The following SIL1 variants were observed in gnomAD, a reference collection of about 807,000 sequenced individuals.
SIL1 encodes SIL1 nucleotide exchange factor.
SIL1 carries 40 observed loss-of-function variants against 49.1 expected under a neutral mutation model. The observed-to-expected ratio is 0.81, with a 90% CI of 0.63 to 1.06. SIL1 has a LOEUF of 1.06. SIL1 is among the 50% of genes least tolerant of loss of function. The pLI is 0.00. For missense variants in SIL1, 500 were observed against 572.6 expected (o/e 0.87, Z 1.29); for synonymous variants, 253 against 250.8 (o/e 1.01, Z -0.08).
Position 138,948,740 on chromosome 5 carries a change from C to G in SIL1, c.1030-1267G>C, listed in dbSNP as rs992246261. On this transcript the variant is annotated intron_variant, in intron 9 of 9. Transcript: ENST00000394817. The surrounding 1 kb of genome is among the most constrained non-coding windows in gnomAD (Gnocchi z 4.8). ...TATGCTGCTGTGGTTTGAGTGTGTT[C>G]CCTAAAAGTTCAAGTGTTGGAAGCT... Among the ~76,000 whole-genome samples the G allele has an allele frequency of 6.6e-6, 1 of 152,172 alleles. No individual in the cohort carries two copies. The highest frequency in any genetic ancestry group is 1.5e-5 in the Non-Finnish European group (1 of 68,030).
Position 139,021,889 on chromosome 5 carries a change from G to A in SIL1, c.646-597C>T, listed in dbSNP as rs112021087. 4.6e-3 allele frequency: 843 copies of A among 185,002 alleles called. 4 individuals carry two copies. The highest frequency in any genetic ancestry group is 0.019 in the African/African-American group (804 of 42,066). The allele number at this position is 185,002 out of a possible 1,614,324, so 11.5% of individuals were successfully genotyped here. A position where few individuals can be genotyped will look rare whatever the true frequency, so the allele number is the denominator to read the frequency against. On this transcript the variant is annotated intron_variant, in intron 6 of 9. Coordinates refer to ENST00000394817, the MANE Select transcript of SIL1 (RefSeq NM_022464.5). ...ATGCAAGAAAATCGCTCTCCCAAAG[G>A]TTTCTGTCTAAGCCTGTGCTACTGG...
At chr5:139,105,782 C>T (rs921748007) in intron 3 of SIL1, among the ~76,000 whole-genome samples, 1 of 152,224 alleles carries the variant, frequency 6.6e-6, no homozygotes, top group African/African-American at 2.4e-5. Context: ...CTTATGTTCC[C>T]AAAAGGGGTG....
At chr5:139,008,051 T>C (rs895880998) in intron 7 of SIL1, among the ~76,000 whole-genome samples, 10 of 152,184 alleles carry the variant, frequency 6.6e-5, no homozygotes, top group Non-Finnish European at 1.2e-4. Flanking sequence ...AGTTCCTCCC[T>C]GTACCTCTGG....
intron 1 of SIL1, among the ~76,000 whole-genome samples, chr5:139,143,304 TATACACAC>T (rs1471987245): frequency 1.1e-4 from 8 of 73,010 alleles, no homozygotes; most frequent in East Asian, 5.0e-4. Flanking sequence ...TATATACATA[TATACACAC>T]ACACACACAC....
intron 7 of SIL1, among the ~76,000 whole-genome samples, chr5:139,004,753 C>T (rs1768071054): frequency 6.6e-6 from 1 of 152,020 alleles, no homozygotes; most frequent in Non-Finnish European, 1.5e-5. Context: ...TGTACACACA[C>T]AATGGAGTAT....
chr5:139,098,101 T>C (rs1337203511), intron 3 of SIL1, among the ~76,000 whole-genome samples: 3 of 152,090 alleles, frequency 2.0e-5, no homozygotes, highest in African/African-American at 7.2e-5. Flanking sequence ...AATCCTAAAA[T>C]TTATATGGAA....
intron 7 of SIL1, among the ~76,000 whole-genome samples, chr5:139,004,314 C>T (rs1234515691): frequency 2.0e-5 from 3 of 152,082 alleles, no homozygotes; most frequent in East Asian, 3.9e-4. Context: ...GTTTTTATAA[C>T]CCAGTCTTTC....
rs941242066 is a variant in SIL1 at position 138,993,280 on chromosome 5, T to G, written c.767+27891A>C. Among the ~76,000 whole-genome samples the G allele has an allele frequency of 4.6e-5, 7 of 152,308 alleles. No homozygotes were observed. In the East Asian group the frequency reaches 1.2e-3, roughly 25 times the overall value. ...TGGGATGATGAGGAAGGGCTATTCC[T>G]TAGGGATGGCATCCTAGTGTGACTC... On this transcript the variant is annotated intron_variant, in intron 7 of 9. Coordinates refer to ENST00000394817, the MANE Select transcript of SIL1 (RefSeq NM_022464.5).
At chr5:138,999,424 A>G (rs1767940895) in intron 7 of SIL1, among the ~76,000 whole-genome samples, 1 of 152,140 alleles carries the variant, frequency 6.6e-6, no homozygotes, top group Non-Finnish European at 1.5e-5. Context: ...AGGCCAAGGT[A>G]AACTCTTGGC....
chr5:139,168,909 T>C (rs964855354), intron 1 of SIL1, among the ~76,000 whole-genome samples: 3 of 151,430 alleles, frequency 2.0e-5, no homozygotes, highest in Admixed American at 2.0e-4. Context: ...CTGTAGTGAC[T>C]TGTGATCACA....
intron 1 of SIL1, among the ~76,000 whole-genome samples, chr5:139,166,847 C>T (rs868176395): frequency 6.6e-6 from 1 of 151,122 alleles, no homozygotes; most frequent in Non-Finnish European, 1.5e-5. Flanking sequence ...CTCACTCTGT[C>T]GCCCAGGCTG....
At chr5:139,081,121 T>A (rs1445449718) in intron 3 of SIL1, among the ~76,000 whole-genome samples, 1 of 152,166 alleles carries the variant, frequency 6.6e-6, no homozygotes, top group Non-Finnish European at 1.5e-5. Context: ...ACGACAGACA[T>A]TCAAGGGAAG....
chr5:139,000,646 T>C (rs1371077890), intron 7 of SIL1, among the ~76,000 whole-genome samples: 1 of 152,102 alleles, frequency 6.6e-6, no homozygotes, highest in Non-Finnish European at 1.5e-5. Context: ...CAGAAGATAA[T>C]ATAGGCAAAT....
chr5:138,972,277 C>T (rs747871866), intron 7 of SIL1, among the ~76,000 whole-genome samples: 21 of 152,210 alleles, frequency 1.4e-4, no homozygotes, highest in Admixed American at 2.6e-4. Context: ...GCCACCATTA[C>T]TTGTCCACTG....
intron 1 of SIL1, among the ~76,000 whole-genome samples, chr5:139,143,314 C>CATATGTATAT (rs1561878662): frequency 1.6e-5 from 1 of 61,588 alleles, no homozygotes; most frequent in Non-Finnish European, 3.5e-5. Flanking sequence ...TATACACACA[C>CATATGTATAT]ACACACACAC....
rs114131059 is a variant in SIL1 at position 139,075,468 on chromosome 5, A to G, written c.245-24422T>C. On this transcript the variant is annotated intron_variant, in intron 3 of 9. Coordinates refer to ENST00000394817, the MANE Select transcript of SIL1 (RefSeq NM_022464.5). ...ATGCATGAAAATGATACGTGTGCCT[A>G]GTTTTTATGTCTACTCCTACTAACT... 8.1e-3 allele frequency among the ~76,000 whole-genome samples: 1,232 copies of G among 152,270 alleles called. 12 individuals are homozygous for G. Among genetic ancestry groups the G allele is most frequent in the Non-Finnish European group, 0.013 (885 of 68,010 alleles).
chr5:139,173,561 A>AAAAT (rs1471783124), intron 1 of SIL1, among the ~76,000 whole-genome samples: 1 of 151,608 alleles, frequency 6.6e-6, no homozygotes, highest in Admixed American at 6.6e-5. Flanking sequence ...AAAATAAACA[A>AAAAT]AAATAAATAA....
chr5:138,989,110 GT>G (rs1767702674), intron 7 of SIL1, among the ~76,000 whole-genome samples: 1 of 152,204 alleles, frequency 6.6e-6, no homozygotes, highest in Non-Finnish European at 1.5e-5. Context: ...CTCTGGTGCC[GT>G]TTGAATTTTG....
At chr5:139,127,709 G>A (rs1195170224) in intron 2 of SIL1, 30 bp downstream of exon 2, 6 of 1,568,250 alleles carry the variant, frequency 3.8e-6, no homozygotes, top group Non-Finnish European at 4.3e-6. Context: ...CTCATCAAGG[G>A]TCCCTCCCAT....
Sources: allele counts gnomAD v4.1 joint callset (sites outside exome capture counted in the v4.1 genomes callset), GRCh38; gene constraint gnomAD v4.1.1; non-coding constraint Gnocchi (gnomAD v3.1); transcripts MANE v1.5; gene names NCBI Gene and HGNC (gene_info 2026-07-23, HGNC 2026-07-21).